Variants in DNAI2 observed in about 807,000 individuals in gnomAD.
DNAI2 encodes the protein dynein, axonemal, intermediate polypeptide 2.
Under a neutral mutation model 74.7 loss-of-function variants are expected in DNAI2, and 63 were observed. The ratio of observed to expected loss-of-function variants is 0.84; its 90% confidence interval spans 0.69 to 1.04. The LOEUF is 1.04. Among genes scored for constraint, DNAI2 ranks in the 50% least tolerant of loss-of-function variants. The pLI, the probability that DNAI2 is intolerant of heterozygous loss-of-function variation, is 0.00. For missense variants in DNAI2, 688 were observed against 803.2 expected (o/e 0.86, Z 1.73); for synonymous variants, 289 against 314.9 (o/e 0.92, Z 0.87).
At chr17:74,299,659 GC>G (rs2052642269) in intron 6 of DNAI2, 58 bp from the exon 7 acceptor site, 2 of 1,607,310 alleles carry the variant, frequency 1.2e-6, no homozygotes, top group Non-Finnish European at 1.7e-6. Flanking sequence ...CCTGCTCCCT[GC>G]CCTAAGGAAG....
chr17:74,276,285 G>A (rs2051074221), intron 1 of DNAI2, among the ~76,000 whole-genome samples: 1 of 152,192 alleles, frequency 6.6e-6, no homozygotes, highest in African/African-American at 2.4e-5. Flanking sequence ...AATCTTTGAT[G>A]TCTGGACCAC....
intron 4 of DNAI2, among the ~76,000 whole-genome samples, chr17:74,287,969 A>AG (rs2051850268): frequency 1.3e-5 from 2 of 151,364 alleles, no homozygotes; most frequent in Admixed American, 1.3e-4. Flanking sequence ...AAAAAAAAAA[A>AG]GCAGTGCAAC....
At chr17:74,284,446 TC>T (rs1383983632) in intron 2 of DNAI2, among the ~76,000 whole-genome samples, 1 of 152,180 alleles carries the variant, frequency 6.6e-6, no homozygotes, top group African/African-American at 2.4e-5. Flanking sequence ...GGAGTCTCGC[TC>T]TGTCGCCCAG....
In DNAI2 at chr17:74,308,153, A is replaced by T. The variant is rs146257718; in HGVS notation, c.1212-1100A>T. The stretch of plus-strand genomic sequence containing the variant: ...CCCACTGTGGTCTGGCTGTCAACAC[A>T]CTAGGTTTGCAAAGGTGACTGGGAA... On this transcript the variant is annotated intron_variant, in intron 9 of 13. Transcript: ENST00000311014. 2.8e-3 allele frequency among the ~76,000 whole-genome samples: 433 copies of T among 152,260 alleles called. 2 individuals are homozygous for T. The highest frequency in any genetic ancestry group is 9.9e-3 in the African/African-American group (412 of 41,530).
chr17:74,297,016 A>T (rs147848262), intron 6 of DNAI2, among the ~76,000 whole-genome samples: 1 of 152,166 alleles, frequency 6.6e-6, no homozygotes, highest in Non-Finnish European at 1.5e-5. Context: ...CACTGCTATT[A>T]TGGAGGAGAG....
rs869300899 is a variant in DNAI2 at position 74,309,981 on chromosome 17, TC to T, written c.1348-35del. On this transcript the variant is annotated intron_variant, in intron 10 of 13. Transcript: ENST00000311014. ...TCAGACACACATAACTTTGCTCCTCTCTCCTCTACCTGGGTCTGCCCGGCCC... is the reference window on the plus strand; with the variant it reads ...TCAGACACACATAACTTTGCTCCTCTTCCTCTACCTGGGTCTGCCCGGCCC... The T allele has an allele frequency of 3.7e-6, 6 of 1,613,120 alleles. No homozygotes were observed. In the East Asian group the frequency reaches 1.1e-4, roughly 30 times the overall value.
At chr17:74,297,141 A>C (rs1228653307) in intron 6 of DNAI2, among the ~76,000 whole-genome samples, 1 of 152,184 alleles carries the variant, frequency 6.6e-6, no homozygotes, top group African/African-American at 2.4e-5. Context: ...GCTGGAGTGC[A>C]ATGTCACGAT....
intron 1 of DNAI2, among the ~76,000 whole-genome samples, chr17:74,276,156 C>T (rs1291416183): frequency 6.6e-6 from 1 of 152,096 alleles, no homozygotes; most frequent in Non-Finnish European, 1.5e-5. Flanking sequence ...TCCCTTAAGC[C>T]ACCGGAGGTT....
At chr17:74,313,833 G>A in intron 12 of DNAI2, 1 of 454,826 alleles carries the variant, frequency 2.2e-6, no homozygotes, top group Non-Finnish European at 4.1e-6. Context: ...CTCTCTATGG[G>A]TGAGGGGGCC....
intron 4 of DNAI2, among the ~76,000 whole-genome samples, chr17:74,288,456 T>A (rs1439599473): frequency 2.0e-5 from 3 of 152,244 alleles, no homozygotes; most frequent in Non-Finnish European, 4.4e-5. Flanking sequence ...CATATGTGTA[T>A]GTGTGTATAT....
chr17:74,309,060 C>CAA lies in DNAI2; in HGVS notation c.1212-175_1212-174dup, dbSNP rs549880425. Among the ~76,000 whole-genome samples the CAA allele has an allele frequency of 0.1, 5,530 of 53,568 alleles. 371 individuals are homozygous for CAA. Among genetic ancestry groups the CAA allele is most frequent in the African/African-American group, 0.25 (3,973 of 16,032 alleles). The allele number at this position is 53,568 out of a possible 152,430, so 35.1% of individuals were successfully genotyped here. A position where few individuals can be genotyped will look rare whatever the true frequency, so the allele number is the denominator to read the frequency against. The stretch of plus-strand genomic sequence containing the variant: ...CCTGGGCAACAGAGCAAGAGTGTCT[C>CAA]AAAAAAAAAAAAAAAAAAAGCAACC... On this transcript the variant is annotated intron_variant, in intron 9 of 13. Coordinates refer to ENST00000311014, the MANE Select transcript of DNAI2 (RefSeq NM_023036.6).
At chr17:74,275,320 G>T (rs1340122161) in intron 1 of DNAI2, among the ~76,000 whole-genome samples, 1 of 152,178 alleles carries the variant, frequency 6.6e-6, no homozygotes, top group Non-Finnish European at 1.5e-5. Context: ...GCCATGCTTA[G>T]TGCTATCCTG....
intron 11 of DNAI2, among the ~76,000 whole-genome samples, chr17:74,311,457 T>C (rs1281181981): frequency 6.6e-6 from 1 of 152,018 alleles, no homozygotes; most frequent in East Asian, 1.9e-4. Flanking sequence ...CTACTAAAAA[T>C]AGAAAATTAG....
intron 2 of DNAI2, among the ~76,000 whole-genome samples, chr17:74,282,932 C>T (rs1305983122): frequency 6.6e-6 from 1 of 152,266 alleles, no homozygotes. Context: ...GGACCAACTG[C>T]TCCCCCGGGG....
Position 74,301,174 on chromosome 17 carries a change from T to C in DNAI2, c.987+6T>C. The stretch of plus-strand genomic sequence containing the variant: ...TGGAGTTCGAATCTACTTTGGTGAG[T>C]GTCCCTTGCTGTCCCTTCCCCGACT... On this transcript the variant is annotated splice_donor_region_variant and intron_variant, in intron 8 of 13. Transcript: ENST00000311014. The C allele has an allele frequency of 3.1e-6, 5 of 1,613,234 alleles. No individual in the cohort carries two copies. Among genetic ancestry groups the C allele is most frequent in the Non-Finnish European group, 4.2e-6 (5 of 1,179,456 alleles).
intron 12 of DNAI2, among the ~76,000 whole-genome samples, chr17:74,312,819 C>A (rs1432594706): frequency 6.6e-6 from 1 of 152,234 alleles, no homozygotes; most frequent in African/African-American, 2.4e-5. Context: ...GGTGTCTGGT[C>A]ATCTTCCAGG....
At position 74,305,338 on chromosome 17, in the gene DNAI2, C is replaced by G; in HGVS notation, c.1107C>G (p.Ala369=). ...CGGGCCATCATGGCCCCATCTACGC[C>G]CTCCAGAGAAACCCCTTCTACCCGA... ...TFPGHHGPIY[A]LQRNPFYPKN... The change falls in exon 9 of 14, where the codon GCC becomes GCG. Residue 369 remains alanine, a synonymous_variant. Coordinates refer to ENST00000311014, the MANE Select transcript of DNAI2 (RefSeq NM_023036.6). 1 of 1,614,180 alleles carries G rather than the reference C, an allele frequency of 6.2e-7. No homozygotes were observed. The highest frequency in any genetic ancestry group is 1.1e-5 in the South Asian group (1 of 91,084).
intron 4 of DNAI2, among the ~76,000 whole-genome samples, chr17:74,287,687 G>A (rs565223671): frequency 1.1e-3 from 166 of 152,344 alleles, no homozygotes; most frequent in African/African-American, 3.6e-3. Flanking sequence ...GGGCATGGTG[G>A]CTCACGCCTG....
chr17:74,277,687 G>A (rs974037871), intron 1 of DNAI2, among the ~76,000 whole-genome samples: 2 of 152,228 alleles, frequency 1.3e-5, no homozygotes, highest in East Asian at 1.9e-4. Flanking sequence ...CCCTGGAGGC[G>A]GGAGAGGGTA....
Sources: allele counts gnomAD v4.1 joint callset (sites outside exome capture counted in the v4.1 genomes callset), GRCh38; gene constraint gnomAD v4.1.1; transcripts MANE v1.5; gene names NCBI Gene and HGNC (gene_info 2026-07-23, HGNC 2026-07-21).